FHIT: variants seen among roughly 807,000 people sequenced by gnomAD.
FHIT encodes bis(5'-adenosyl)-triphosphatase.
Under a neutral mutation model 17.9 loss-of-function variants are expected in FHIT, and 19 were observed. That is an observed-to-expected ratio of 1.06 (90% confidence interval 0.74 to 1.56). The LOEUF (loss-of-function observed/expected upper bound fraction) is 1.56, where lower values mean the gene tolerates loss of function less well. Among genes scored for constraint, FHIT ranks in the 40% most tolerant of loss-of-function variants. The pLI, the probability that FHIT is intolerant of heterozygous loss-of-function variation, is 0.00. For synonymous variants in FHIT, 81 were observed against 69.7 expected (o/e 1.16, Z -0.81); for missense variants, 248 against 189.2 (o/e 1.31, Z -1.82).
At chr3:60,260,987 C>T (rs1706264610) in intron 5 of FHIT, among the ~76,000 whole-genome samples, 1 of 152,014 alleles carries the variant, frequency 6.6e-6, no homozygotes, top group African/African-American at 2.4e-5. Context: ...ACCCAACCCT[C>T]AGCTCCGGGA....
chr3:60,237,530 T>C (rs1403330485), intron 5 of FHIT, among the ~76,000 whole-genome samples: 1 of 152,170 alleles, frequency 6.6e-6, no homozygotes, highest in Non-Finnish European at 1.5e-5. Flanking sequence ...TAAACTATCT[T>C]GTTTAATCCT....
rs183734052 is a variant in FHIT at position 60,161,849 on chromosome 3, C to T, written c.104-147697G>A. Among the ~76,000 whole-genome samples, 351 of 152,238 alleles carry T rather than the reference C, an allele frequency of 2.3e-3. 1 individual carries two copies. Among genetic ancestry groups the T allele is most frequent in the African/African-American group, 8.2e-3 (339 of 41,542 alleles). On this transcript the variant is annotated intron_variant, in intron 5 of 9. Coordinates refer to ENST00000492590, the MANE Select transcript of FHIT (RefSeq NM_002012.4). Reference sequence around the variant, plus strand: ...TCAATGTGCATCAGGCTCGATGGTGCCTGCTTCCTCCAGGAGCTCACTGCA... The same window carrying T: ...TCAATGTGCATCAGGCTCGATGGTGTCTGCTTCCTCCAGGAGCTCACTGCA...
intron 5 of FHIT, among the ~76,000 whole-genome samples, chr3:60,170,348 T>C (rs1701362844): frequency 6.6e-6 from 1 of 152,116 alleles, no homozygotes; most frequent in Admixed American, 6.5e-5. Flanking sequence ...ATTCTGTAAA[T>C]CCAACCATGA....
At chr3:60,995,788 G>A (rs2030630934) in intron 3 of FHIT, among the ~76,000 whole-genome samples, 1 of 152,122 alleles carries the variant, frequency 6.6e-6, no homozygotes, top group Admixed American at 6.6e-5. Flanking sequence ...TATACAATCT[G>A]TAAGCCTGGA....
intron 3 of FHIT, among the ~76,000 whole-genome samples, chr3:60,878,814 T>C (rs1452604799): frequency 1.3e-5 from 2 of 152,210 alleles, no homozygotes; most frequent in African/African-American, 4.8e-5. Flanking sequence ...ACAAAGGACA[T>C]GAACTCATCC....
chr3:59,883,561 G>C (rs186826079), intron 8 of FHIT, among the ~76,000 whole-genome samples: 1 of 152,266 alleles, frequency 6.6e-6, no homozygotes, highest in East Asian at 1.9e-4. Context: ...TCTCTTACAG[G>C]GTCCGTCTCA....
chr3:60,172,644 C>T (rs937209116), intron 5 of FHIT, among the ~76,000 whole-genome samples: 21 of 151,892 alleles, frequency 1.4e-4, no homozygotes, highest in Non-Finnish European at 2.4e-4. Flanking sequence ...GTTGGGAAAA[C>T]GGAAAGAACA....
At chr3:59,855,183 T>A (rs1350486466) in intron 8 of FHIT, among the ~76,000 whole-genome samples, 1 of 152,246 alleles carries the variant, frequency 6.6e-6, no homozygotes. Flanking sequence ...ATTTGCCCAA[T>A]GTTAATTATA....
intron 4 of FHIT, among the ~76,000 whole-genome samples, chr3:60,565,246 C>T (rs1367704797): frequency 2.6e-5 from 4 of 152,110 alleles, no homozygotes; most frequent in East Asian, 1.9e-4. Flanking sequence ...TGATTTATTG[C>T]GATAGTCACT....
intron 5 of FHIT, among the ~76,000 whole-genome samples, chr3:60,500,771 T>TTAAAAAAA (rs751877681): frequency 3.1e-5 from 2 of 64,864 alleles, no homozygotes; most frequent in African/African-American, 6.2e-5. Flanking sequence ...AGCATCCATC[T>TTAAAAAAA]AAAAAAAAAA....
intron 5 of FHIT, among the ~76,000 whole-genome samples, chr3:60,123,987 TATATATATATATATATATATATAGAG>T (rs1368365905): frequency 1.7e-4 from 9 of 52,238 alleles, no homozygotes; most frequent in South Asian, 1.4e-3. Context: ...TATATATATA[TATATATATATATATATATATATAGAG>T]AGAGAGAGAG....
At chr3:60,052,777 A>G (rs1015943458) in intron 5 of FHIT, among the ~76,000 whole-genome samples, 2 of 148,268 alleles carry the variant, frequency 1.3e-5, no homozygotes, top group African/African-American at 4.9e-5. Flanking sequence ...AATATATATT[A>G]TATATAATAT....
chr3:60,040,085 C>T (rs1046387530), intron 5 of FHIT, among the ~76,000 whole-genome samples: 15 of 152,232 alleles, frequency 9.9e-5, no homozygotes, highest in African/African-American at 3.6e-4. Flanking sequence ...TAAACATGTC[C>T]AACAAAGATA....
At chr3:61,072,424 T>G (rs1377776754) in intron 2 of FHIT, among the ~76,000 whole-genome samples, 1 of 152,180 alleles carries the variant, frequency 6.6e-6, no homozygotes, top group Non-Finnish European at 1.5e-5. Flanking sequence ...GGGACAATTG[T>G]TGGAGGCCAG....
At chr3:61,080,748 A>G (rs995912919) in intron 2 of FHIT, among the ~76,000 whole-genome samples, 2 of 152,128 alleles carry the variant, frequency 1.3e-5, no homozygotes, top group Non-Finnish European at 2.9e-5. Flanking sequence ...TTCGGTGCCA[A>G]AAAAGAGCCC....
intron 4 of FHIT, among the ~76,000 whole-genome samples, chr3:60,542,574 T>C (rs915523396): frequency 1.3e-5 from 2 of 152,214 alleles, no homozygotes; most frequent in Non-Finnish European, 2.9e-5. Flanking sequence ...TTCTTATGAA[T>C]TGCCAATTCA....
intron 5 of FHIT, among the ~76,000 whole-genome samples, chr3:60,460,609 A>G (rs770850551): frequency 1.3e-5 from 2 of 152,212 alleles, no homozygotes; most frequent in Non-Finnish European, 2.9e-5. Flanking sequence ...TACATTCAAT[A>G]AACACAGAAT....
intron 3 of FHIT, among the ~76,000 whole-genome samples, chr3:61,040,551 A>T (rs996607374): frequency 5.3e-5 from 8 of 152,298 alleles, no homozygotes; most frequent in Middle Eastern, 3.4e-3. Flanking sequence ...AAATACTCTA[A>T]TGTTAATATT....
chr3:60,450,589 G>C (rs747453487), intron 5 of FHIT, among the ~76,000 whole-genome samples: 10 of 152,140 alleles, frequency 6.6e-5, no homozygotes, highest in Non-Finnish European at 1.5e-5. Context: ...AGAGCAGGAA[G>C]AGAGATTTTA....
Sources: gnomAD v4.1 joint callset for allele counts (sites outside exome capture counted in the v4.1 genomes callset) on GRCh38, gnomAD v4.1.1 for gene constraint, MANE v1.5 for transcripts, NCBI Gene and HGNC (gene_info 2026-07-23, HGNC 2026-07-21) for gene names.